Variants in TAF4 observed in about 807,000 individuals in gnomAD.
TAF4 encodes the protein TATA-box binding protein associated factor 4.
Under a neutral mutation model 90.3 loss-of-function variants are expected in TAF4, and 9 were observed. The observed-to-expected ratio is 0.10, with a 90% CI of 0.06 to 0.17. The LOEUF (loss-of-function observed/expected upper bound fraction) is 0.17, where lower values mean the gene tolerates loss of function less well. TAF4 is among the 10% of genes least tolerant of loss of function. The pLI, the probability that TAF4 is intolerant of heterozygous loss-of-function variation, is 1.00. For synonymous variants in TAF4, 818 were observed against 638.9 expected (o/e 1.28, Z -4.23); for missense variants, 1,351 against 1,370.7 (o/e 0.99, Z 0.23).
In TAF4 at chr20:62,064,854, G is replaced by A. The variant is rs2056115004; in HGVS notation, c.957C>T (p.Ala319=). 2 of 960,812 alleles carry A rather than the reference G, an allele frequency of 2.1e-6. No individual in the cohort carries two copies. The highest frequency in any genetic ancestry group is 3.6e-5 in the African/African-American group (2 of 55,164). The allele number at this position is 960,812 out of a possible 1,614,324, so 59.5% of individuals were successfully genotyped here. The stretch of plus-strand genomic sequence containing the variant: ...GGCCGCTGACCCCCGCGGGGCCCCC[G>A]GCGGCCGGGGCGGGGGCGGGGGCTG... The part of the protein sequence containing the change: ...AGAAPAPAPA[A]GGPAGVSGQP... The change falls in exon 1 of 15, where the codon GCC becomes GCT. Residue 319 remains alanine, a synonymous_variant. Transcript: ENST00000252996.
intron 1 of TAF4, among the ~76,000 whole-genome samples, chr20:62,038,452 A>C (rs1331156961): frequency 5.9e-5 from 9 of 151,912 alleles, no homozygotes; most frequent in Admixed American, 5.9e-4. Flanking sequence ...TGAGCCACTG[A>C]GCCACCGAGC....
At chr20:61,999,353 A>C (rs2055684054) in intron 11 of TAF4, among the ~76,000 whole-genome samples, 1 of 152,142 alleles carries the variant, frequency 6.6e-6, no homozygotes, top group African/African-American at 2.4e-5. Context: ...TGTCCCTTTT[A>C]TACACTTTGA....
At chr20:62,063,188 G>C (rs917641495) in intron 1 of TAF4, among the ~76,000 whole-genome samples, 10 of 152,158 alleles carry the variant, frequency 6.6e-5, no homozygotes, top group Non-Finnish European at 1.2e-4. Context: ...GCCCAGACAG[G>C]CTTTCCCCAC....
At chr20:62,045,611 T>A (rs2055988872) in intron 1 of TAF4, among the ~76,000 whole-genome samples, 1 of 152,222 alleles carries the variant, frequency 6.6e-6, no homozygotes, top group Non-Finnish European at 1.5e-5. Flanking sequence ...CTAGGATGAG[T>A]ACGTACTACT....
At chr20:62,000,278 G>A (rs1252493330) in intron 10 of TAF4, 24 bp from the exon 11 acceptor site, 1 of 1,609,840 alleles carries the variant, frequency 6.2e-7, no homozygotes, top group Non-Finnish European at 8.5e-7. Flanking sequence ...AAGAAAAACA[G>A]TATTTTAAAA....
chr20:62,034,269 A>G (rs1352494221), intron 1 of TAF4, among the ~76,000 whole-genome samples: 1 of 152,222 alleles, frequency 6.6e-6, no homozygotes, highest in Non-Finnish European at 1.5e-5. Context: ...AGTAAGATCA[A>G]TATCCAAAAT....
chr20:61,975,890 ACGATTC>A lies in TAF4; in HGVS notation c.*272_*277del, dbSNP rs1162039831. On this transcript the variant is annotated 3_prime_UTR_variant, in exon 15 of 15. Transcript: ENST00000252996. ...ACAGAGGGCAGCTAATTATTTGCTA[ACGATTC>A]CATCAGTCTTTATATATGGCTTGTT... The A allele has an allele frequency of 4.1e-4, 170 of 411,042 alleles. No individual in the cohort carries two copies. The highest frequency in any genetic ancestry group is 1.2e-4 in the Non-Finnish European group (27 of 227,700). The allele number at this position is 411,042 out of a possible 1,614,324, so 25.5% of individuals were successfully genotyped here. A position where few individuals can be genotyped will look rare whatever the true frequency, so the allele number is the denominator to read the frequency against.
chr20:61,985,272 G>A (rs1415587369), intron 14 of TAF4, among the ~76,000 whole-genome samples: 5 of 151,878 alleles, frequency 3.3e-5, no homozygotes, highest in South Asian at 2.1e-4. Context: ...GGTGAATGAC[G>A]GCCACACTGA....
At chr20:61,998,823 G>A (rs558191103) in intron 12 of TAF4, among the ~76,000 whole-genome samples, 160 bp downstream of exon 12, 3 of 152,176 alleles carry the variant, frequency 2.0e-5, no homozygotes, top group Non-Finnish European at 4.4e-5. Context: ...AATGAATGAG[G>A]CTTCTCTTTG....
chr20:62,003,082 G>T, intron 9 of TAF4, 78 bp downstream of exon 9: 1 of 1,261,806 alleles, frequency 7.9e-7, no homozygotes, highest in Non-Finnish European at 1.1e-6. Flanking sequence ...ACCCGTGGGC[G>T]GGAATGGAGC....
At chr20:61,995,214 A>G (rs1896267402) in intron 14 of TAF4, among the ~76,000 whole-genome samples, 1 of 152,254 alleles carries the variant, frequency 6.6e-6, no homozygotes, top group Non-Finnish European at 1.5e-5. Context: ...GGAAAACAGC[A>G]GTCGAGAGAA....
chr20:62,039,035 GAA>G (rs1045849128), intron 1 of TAF4, among the ~76,000 whole-genome samples: 7 of 152,218 alleles, frequency 4.6e-5, no homozygotes, highest in African/African-American at 1.7e-4. Context: ...GAAAAGATGT[GAA>G]AGAGTGAAAA....
chr20:62,028,365 G>C (rs887503490), intron 1 of TAF4, among the ~76,000 whole-genome samples: 1 of 152,122 alleles, frequency 6.6e-6, no homozygotes, highest in Non-Finnish European at 1.5e-5. Context: ...GTTGACCTTT[G>C]AAAAACATGG....
intron 2 of TAF4, 87 bp downstream of exon 2, chr20:62,014,460 C>T (rs2055801567): frequency 2.1e-6 from 3 of 1,449,824 alleles, no homozygotes; most frequent in Non-Finnish European, 9.1e-7. Context: ...CATGGCTGTG[C>T]CTGGCCCTTG....
At chr20:62,030,705 G>A (rs1038471157) in intron 1 of TAF4, among the ~76,000 whole-genome samples, 6 of 152,134 alleles carry the variant, frequency 3.9e-5, no homozygotes, top group Non-Finnish European at 5.9e-5. Context: ...AACAAATTTC[G>A]TCCAAAAACT....
chr20:62,017,330 C>G (rs973447176), intron 1 of TAF4, among the ~76,000 whole-genome samples: 1 of 152,068 alleles, frequency 6.6e-6, no homozygotes, highest in African/African-American at 2.4e-5. Context: ...TTATCAGGAG[C>G]TTTGTGCTTT....
intron 2 of TAF4, among the ~76,000 whole-genome samples, 194 bp downstream of exon 2, chr20:62,014,353 C>G (rs1290832676): frequency 6.6e-6 from 1 of 152,164 alleles, no homozygotes; most frequent in African/African-American, 2.4e-5. Flanking sequence ...ACAGCCCTGC[C>G]ACCGAGAGGA....
chr20:62,032,977 C>T (rs2055912481), intron 1 of TAF4, among the ~76,000 whole-genome samples: 1 of 152,116 alleles, frequency 6.6e-6, no homozygotes. Flanking sequence ...CCGAGACTGG[C>T]TTCTCGAAGG....
intron 1 of TAF4, among the ~76,000 whole-genome samples, chr20:62,057,287 C>T (rs1337987096): frequency 1.3e-5 from 2 of 152,198 alleles, no homozygotes; most frequent in Non-Finnish European, 2.9e-5. Context: ...GGTTCAGCTC[C>T]CTGGCTCCTA....
Sources: gnomAD v4.1 joint callset for allele counts (sites outside exome capture counted in the v4.1 genomes callset) on GRCh38, gnomAD v4.1.1 for gene constraint, MANE v1.5 for transcripts, NCBI Gene and HGNC (gene_info 2026-07-23, HGNC 2026-07-21) for gene names.